PSD3: variants seen among roughly 807,000 people sequenced by gnomAD.
PSD3 encodes the protein pleckstrin and Sec7 domain containing 3.
In PSD3, 49 loss-of-function variants were observed where a neutral mutation model predicts 105.5. That is an observed-to-expected ratio of 0.46 (90% CI 0.37 to 0.59). The LOEUF (loss-of-function observed/expected upper bound fraction) is 0.59, where lower values mean the gene tolerates loss of function less well. PSD3 is among the 20% of genes least tolerant of loss of function. The pLI is 0.00. For missense variants in PSD3, 1,561 were observed against 1,263.8 expected, an observed-to-expected ratio of 1.24 and a Z score of -3.57; for synonymous variants, 557 against 457.8, an observed-to-expected ratio of 1.22 and a Z score of -2.77.
intron 4 of PSD3, among the ~76,000 whole-genome samples, chr8:18,846,915 C>G (rs576414617): frequency 1.3e-5 from 2 of 152,188 alleles, no homozygotes; most frequent in East Asian, 3.9e-4. Context: ...GTGACACAGC[C>G]AAAGACAGAG....
intron 8 of PSD3, among the ~76,000 whole-genome samples, chr8:18,793,250 A>T (rs1762545930): frequency 6.6e-6 from 1 of 152,130 alleles, no homozygotes; most frequent in South Asian, 2.1e-4. Flanking sequence ...GCAGCACACC[A>T]ACATGGCACA....
chr8:18,642,713 C>T (rs1223033423), intron 10 of PSD3, among the ~76,000 whole-genome samples: 1 of 152,152 alleles, frequency 6.6e-6, no homozygotes, highest in Non-Finnish European at 1.5e-5. Context: ...TTGTAAAGTA[C>T]ATAACTTTCA....
chr8:18,915,254 G>A (rs1170371435), intron 2 of PSD3, among the ~76,000 whole-genome samples: 3 of 152,044 alleles, frequency 2.0e-5, no homozygotes, highest in African/African-American at 7.2e-5. Flanking sequence ...ATAAAACATA[G>A]GAAAAAAGGC....
chr8:18,838,332 A>T (rs1220375426), intron 4 of PSD3, among the ~76,000 whole-genome samples: 1 of 152,158 alleles, frequency 6.6e-6, no homozygotes, highest in Non-Finnish European at 1.5e-5. Flanking sequence ...AAGTGAACAA[A>T]ACGGGTTTCC....
rs1799779911 is a variant in PSD3, at chr8:18,535,023, T to C, written c.*720A>G. On this transcript the variant is annotated 3_prime_UTR_variant, in exon 16 of 16. Transcript: ENST00000327040. ...AACAAAATTAACTGGGTATCAATCT[T>C]TCCTCAGCCTTCAAAGGCAAAATGA... is the stretch of plus-strand genomic sequence containing the variant. 2 of 152,654 alleles carry C rather than the reference T, an allele frequency of 1.3e-5. No individual in the cohort carries two copies. Among genetic ancestry groups the C allele is most frequent in the African/African-American group, 4.8e-5 (2 of 41,454 alleles). 9.5% of individuals were successfully genotyped at this position (152,654 alleles called of 1,614,324 possible).
chr8:18,961,280 T>C (rs567236933), intron 1 of PSD3, among the ~76,000 whole-genome samples: 9 of 152,154 alleles, frequency 5.9e-5, no homozygotes, highest in Non-Finnish European at 1.3e-4. Context: ...GACAACTCAA[T>C]ACTTACGAGT....
intron 9 of PSD3, among the ~76,000 whole-genome samples, chr8:18,738,514 T>C (rs371633124): frequency 1.3e-4 from 20 of 152,280 alleles, no homozygotes; most frequent in African/African-American, 2.4e-4. Context: ...ACATGCTAAA[T>C]AGAATCCACA....
At chr8:18,679,285 G>T (rs1800248167) in intron 9 of PSD3, among the ~76,000 whole-genome samples, 1 of 152,220 alleles carries the variant, frequency 6.6e-6, no homozygotes, top group Non-Finnish European at 1.5e-5. Flanking sequence ...ATGATTAGCA[G>T]TTATCTAACA....
chr8:19,023,240 A>G (rs984563266), intron 1 of PSD3, among the ~76,000 whole-genome samples: 5 of 152,174 alleles, frequency 3.3e-5, no homozygotes, highest in Non-Finnish European at 7.4e-5. Context: ...TCTCACAGCT[A>G]TGCTGTCTAA....
At chr8:18,762,422 GTTCT>G (rs1362114169) in intron 9 of PSD3, among the ~76,000 whole-genome samples, 4 of 152,176 alleles carry the variant, frequency 2.6e-5, no homozygotes, top group Middle Eastern at 3.2e-3. Context: ...ATAAACCTCT[GTTCT>G]TTATGAATTA....
intron 1 of PSD3, among the ~76,000 whole-genome samples, chr8:18,993,492 A>T (rs1348022882): frequency 4.0e-5 from 6 of 151,808 alleles, no homozygotes; most frequent in Non-Finnish European, 7.4e-5. Flanking sequence ...ACAGTTAAAT[A>T]AGATAATGAG....
chr8:18,570,667 T>C (rs971429026), intron 14 of PSD3, among the ~76,000 whole-genome samples: 9 of 148,928 alleles, frequency 6.0e-5, no homozygotes, highest in Non-Finnish European at 1.2e-4. Flanking sequence ...GCGAAGGACA[T>C]GAACAGACAC....
intron 1 of PSD3, among the ~76,000 whole-genome samples, chr8:19,064,899 T>A (rs191387174): frequency 6.6e-6 from 1 of 152,286 alleles, no homozygotes; most frequent in Admixed American, 6.5e-5. Context: ...TAAATAAACT[T>A]CATAGGAGGC....
rs148549316 is a variant in PSD3, at chr8:18,862,871, G to A, written c.1634+4803C>T. ...ACACTGCATTCCATTTGAGAAGGAGGAGAAAGAAATAAGAGCAAGGCAAAA... is the reference window on the plus strand; with the variant it reads ...ACACTGCATTCCATTTGAGAAGGAGAAGAAAGAAATAAGAGCAAGGCAAAA... On this transcript the variant is annotated intron_variant, in intron 4 of 15. Coordinates refer to ENST00000327040, the MANE Select transcript of PSD3 (RefSeq NM_015310.4). Among the ~76,000 whole-genome samples, 1,169 of 145,386 alleles carry A rather than the reference G, an allele frequency of 8.0e-3. 20 individuals carry two copies. Among genetic ancestry groups the A allele is most frequent in the African/African-American group, 0.028 (1,102 of 39,048 alleles).
intron 10 of PSD3, among the ~76,000 whole-genome samples, chr8:18,641,299 G>C (rs1292746847): frequency 6.6e-6 from 1 of 152,146 alleles, no homozygotes; most frequent in Admixed American, 6.5e-5. Context: ...GTATCCCTGG[G>C]CATCAGGGCC....
chr8:18,870,544 A>G (rs1270123289), intron 3 of PSD3, among the ~76,000 whole-genome samples: 1 of 152,100 alleles, frequency 6.6e-6, no homozygotes, highest in African/African-American at 2.4e-5. Context: ...GTTGGGGGCT[A>G]AGGGAGGGAT....
intron 9 of PSD3, chr8:18,734,463 T>A (rs1015416553): frequency 3.9e-5 from 6 of 152,204 alleles, no homozygotes; most frequent in African/African-American, 1.4e-4. Flanking sequence ...CACAAGATGA[T>A]GGTTCAATGG....
chr8:18,963,503 G>C (rs1824052593), intron 1 of PSD3, among the ~76,000 whole-genome samples: 1 of 151,896 alleles, frequency 6.6e-6, no homozygotes, highest in Non-Finnish European at 1.5e-5. Context: ...CAACTAAATT[G>C]CAAAGCATCA....
At chr8:18,961,717 T>A (rs1055925565) in intron 1 of PSD3, among the ~76,000 whole-genome samples, 32 of 152,110 alleles carry the variant, frequency 2.1e-4, no homozygotes, top group Admixed American at 5.9e-4. Context: ...AAGGTATTTG[T>A]AGATATAAAT....
Sources: allele counts gnomAD v4.1 joint callset (sites outside exome capture counted in the v4.1 genomes callset), GRCh38; gene constraint gnomAD v4.1.1; transcripts MANE v1.5; gene names NCBI Gene and HGNC (gene_info 2026-07-23, HGNC 2026-07-21).